The following MECOM variants were observed in gnomAD, a reference collection of about 807,000 sequenced individuals.
The protein encoded by MECOM is histone-lysine N-methyltransferase MECOM.
A neutral mutation model predicts 116.3 loss-of-function variants in MECOM; 13 were observed. The observed-to-expected ratio is 0.11, with a 90% CI of 0.07 to 0.18. MECOM has a LOEUF of 0.18. Among genes scored for constraint, MECOM ranks in the 10% least tolerant of loss-of-function variants. MECOM has a pLI of 1.00. For missense variants in MECOM, 1,299 were observed against 1,509.0 expected (o/e 0.86, Z 2.31); for synonymous variants, 528 against 535.2 (o/e 0.99, Z 0.19).
In MECOM at chr3:169,611,258, G is replaced by A. The variant is rs568940712; in HGVS notation, c.37+52078C>T. ...CACCAAGAGTGACAGATAGTGCCTC[G>A]GGCACTGCCACTGTCTCTTCCAATG... On this transcript the variant is annotated intron_variant, in intron 1 of 16. Transcript: ENST00000651503. This position sits in a 1 kb window ranked among gnomAD's most constrained non-coding sequence, Gnocchi z 4.1. 1.3e-5 allele frequency among the ~76,000 whole-genome samples: 2 copies of A among 152,212 alleles called. No homozygotes were observed. Among genetic ancestry groups the A allele is most frequent in the South Asian group, 2.1e-4 (1 of 4,808 alleles).
intron 2 of MECOM, among the ~76,000 whole-genome samples, chr3:169,301,547 G>T (rs145716317): frequency 6.6e-6 from 1 of 152,188 alleles, no homozygotes; most frequent in Non-Finnish European, 1.5e-5. Flanking sequence ...GTAAGATGAT[G>T]TGAATGAGAC....
chr3:169,167,074 A>G (rs1447662725), intron 2 of MECOM, among the ~76,000 whole-genome samples: 3 of 152,128 alleles, frequency 2.0e-5, no homozygotes, highest in Admixed American at 2.0e-4. Flanking sequence ...TTCCAGGCTC[A>G]AGCAATCCTC....
At chr3:169,111,571 C>A (rs1727420694) in intron 9 of MECOM, among the ~76,000 whole-genome samples, 1 of 151,984 alleles carries the variant, frequency 6.6e-6, no homozygotes. Context: ...TACTTCTTTT[C>A]CATAAAGTAA....
intron 1 of MECOM, among the ~76,000 whole-genome samples, chr3:169,638,039 A>C (rs1043886898): frequency 6.6e-6 from 1 of 152,230 alleles, no homozygotes; most frequent in Non-Finnish European, 1.5e-5. Context: ...TGGAGAAGAA[A>C]TATTTCATCT....
chr3:169,592,290 A>G (rs754677960), intron 1 of MECOM, among the ~76,000 whole-genome samples: 1 of 152,104 alleles, frequency 6.6e-6, no homozygotes, highest in Admixed American at 6.5e-5. Context: ...GCTGTCCACA[A>G]CTCCTAAAGA....
chr3:169,484,129 G>T lies in MECOM; in HGVS notation c.38-102605C>A, dbSNP rs866422752. The stretch of plus-strand genomic sequence containing the variant: ...TTTCAATTTCTCTAGTAAACAAAAA[G>T]TGATTCTTTTTATCTCACAATTCAA... On this transcript the variant is annotated intron_variant, in intron 1 of 16. Transcript: ENST00000651503. The T allele has an allele frequency of 2.1e-5, 16 of 764,446 alleles. No homozygotes were observed. In the African/African-American group the frequency reaches 2.3e-4, roughly 11 times the overall value. The allele number at this position is 764,446 out of a possible 1,614,324, so 47.4% of individuals were successfully genotyped here.
At chr3:169,459,675 CCCCCTCAACCTGT>C (rs1185128713) in intron 1 of MECOM, among the ~76,000 whole-genome samples, 1 of 152,188 alleles carries the variant, frequency 6.6e-6, no homozygotes, top group African/African-American at 2.4e-5. Context: ...ATTCCCCCTT[CCCCCTCAACCTGT>C]CCCCTGCTCC....
At chr3:169,473,712 T>C (rs1343383308) in intron 1 of MECOM, among the ~76,000 whole-genome samples, 1 of 152,086 alleles carries the variant, frequency 6.6e-6, no homozygotes, top group East Asian at 1.9e-4. Flanking sequence ...GAGGTTGTAG[T>C]GAGCCGAGAT....
intron 2 of MECOM, among the ~76,000 whole-genome samples, chr3:169,373,437 A>G (rs1730483579): frequency 6.6e-6 from 1 of 151,994 alleles, no homozygotes; most frequent in Admixed American, 6.6e-5. Flanking sequence ...GTTCAGAAAG[A>G]TGGCCCCTAT....
At chr3:169,431,002 T>G (rs1741526560) in intron 1 of MECOM, among the ~76,000 whole-genome samples, 1 of 152,182 alleles carries the variant, frequency 6.6e-6, no homozygotes, top group South Asian at 2.1e-4. Context: ...TCTAATAACA[T>G]TTTTGGGCTT....
chr3:169,610,532 A>T (rs1213253038), intron 1 of MECOM, among the ~76,000 whole-genome samples: 2 of 131,462 alleles, frequency 1.5e-5, no homozygotes, highest in Admixed American at 7.7e-5. Flanking sequence ...TGTGTGTATA[A>T]TATCCCTATT....
chr3:169,146,489 G>T, intron 2 of MECOM: 1 of 1,381,908 alleles, frequency 7.2e-7, no homozygotes, highest in Non-Finnish European at 9.6e-7. Context: ...AAGGCCGGAC[G>T]ACCCACCCCG....
At chr3:169,566,747 A>G (rs1295310032) in intron 1 of MECOM, among the ~76,000 whole-genome samples, 2 of 152,180 alleles carry the variant, frequency 1.3e-5, no homozygotes, top group Non-Finnish European at 2.9e-5. Context: ...AGATCCCAAT[A>G]GAAAGTTACT....
chr3:169,299,672 T>C (rs374665544), intron 2 of MECOM, among the ~76,000 whole-genome samples: 21 of 152,242 alleles, frequency 1.4e-4, no homozygotes, highest in African/African-American at 5.1e-4. Context: ...ATATGCATAA[T>C]TCCATATATA....
intron 1 of MECOM, among the ~76,000 whole-genome samples, chr3:169,450,582 G>GAA (rs10711289): frequency 2.0e-5 from 3 of 146,356 alleles, no homozygotes; most frequent in African/African-American, 5.0e-5. Context: ...AGGACAAAAC[G>GAA]AAAAAAAAAA....
At chr3:169,484,987 C>CTTAT (rs61274643) in intron 1 of MECOM, among the ~76,000 whole-genome samples, 6,861 of 151,602 alleles carry the variant, frequency 0.045, 442 homozygotes, top group East Asian at 0.24. Context: ...TTTACTCTTG[C>CTTAT]TTATTTATTT....
chr3:169,144,253 T>G (rs918528875), intron 2 of MECOM, among the ~76,000 whole-genome samples: 3 of 99,804 alleles, frequency 3.0e-5, no homozygotes, highest in African/African-American at 8.9e-5. Context: ...ATTTAAAAAC[T>G]TCCATCTAAA....
chr3:169,157,826 G>T (rs527396494), intron 2 of MECOM, among the ~76,000 whole-genome samples: 3 of 152,208 alleles, frequency 2.0e-5, no homozygotes, highest in African/African-American at 7.2e-5. Context: ...ATGCCAGAAG[G>T]GACATGAATG....
intron 1 of MECOM, among the ~76,000 whole-genome samples, chr3:169,570,417 G>A (rs1763745143): frequency 1.3e-5 from 2 of 152,208 alleles, no homozygotes; most frequent in South Asian, 4.2e-4. Context: ...GGTACAAAGA[G>A]GAGCTCATAC....
Sources: allele counts gnomAD v4.1 joint callset (sites outside exome capture counted in the v4.1 genomes callset), GRCh38; gene constraint gnomAD v4.1.1; non-coding constraint Gnocchi (gnomAD v3.1); transcripts MANE v1.5; gene names NCBI Gene and HGNC (gene_info 2026-07-23, HGNC 2026-07-21).